Variants in PLCH1 observed in about 807,000 individuals in gnomAD.
PLCH1 encodes the protein phospholipase C eta 1.
Under a neutral mutation model 126.7 loss-of-function variants are expected in PLCH1, and 60 were observed. The ratio of observed to expected loss-of-function variants is 0.47; its 90% confidence interval spans 0.38 to 0.59. The LOEUF (loss-of-function observed/expected upper bound fraction) is 0.59, where lower values mean the gene tolerates loss of function less well. Ranked by LOEUF, PLCH1 falls within the 20% of genes least tolerant of loss-of-function variation. The probability of loss-of-function intolerance (pLI) is 0.00; values close to 1 mark genes in which losing one functional copy is unlikely to be tolerated. For missense variants in PLCH1, 1,723 were observed against 2,040.0 expected (o/e 0.84, Z 2.99); for synonymous variants, 719 against 734.9 (o/e 0.98, Z 0.35).
intron 2 of PLCH1, among the ~76,000 whole-genome samples, chr3:155,674,050 A>G (rs1037807458): frequency 1.3e-5 from 2 of 152,186 alleles, no homozygotes; most frequent in African/African-American, 4.8e-5. Flanking sequence ...AGAAAGTAGT[A>G]TTATCTCTTC....
At chr3:155,513,125 C>T (rs1382555130) in intron 12 of PLCH1, among the ~76,000 whole-genome samples, 2 of 152,172 alleles carry the variant, frequency 1.3e-5, no homozygotes, top group African/African-American at 4.8e-5. Context: ...ACGTGCTGCC[C>T]AGAGCCATAC....
chr3:155,598,639 GAA>G (rs534882949), intron 2 of PLCH1, among the ~76,000 whole-genome samples: 117 of 152,272 alleles, frequency 7.7e-4, no homozygotes, highest in African/African-American at 2.7e-3. Flanking sequence ...CTGTGGTGAA[GAA>G]TACAGTCTGT....
chr3:155,541,336 A>C (rs535626405), intron 10 of PLCH1, among the ~76,000 whole-genome samples: 27 of 152,292 alleles, frequency 1.8e-4, no homozygotes, highest in African/African-American at 6.3e-4. Flanking sequence ...ACCACTAAAA[A>C]ACTTATCCAT....
chr3:155,711,849 G>A (rs900201135), intron 1 of PLCH1, among the ~76,000 whole-genome samples: 4 of 152,156 alleles, frequency 2.6e-5, no homozygotes, highest in African/African-American at 9.7e-5. Context: ...AGTTTTACTT[G>A]AAGTTGCAAG....
intron 4 of PLCH1, among the ~76,000 whole-genome samples, chr3:155,590,324 A>G (rs1210021973): frequency 1.3e-5 from 2 of 152,198 alleles, no homozygotes; most frequent in Non-Finnish European, 2.9e-5. Flanking sequence ...CACGCCTGTA[A>G]TCCCAGCACT....
intron 21 of PLCH1, among the ~76,000 whole-genome samples, chr3:155,468,417 G>A (rs936007862): frequency 2.6e-5 from 4 of 152,104 alleles, no homozygotes; most frequent in Non-Finnish European, 2.9e-5. Context: ...GACATTGAAT[G>A]TACTTGGGCT....
At chr3:155,689,713 G>A (rs1209733938) in intron 2 of PLCH1, among the ~76,000 whole-genome samples, 1 of 151,908 alleles carries the variant, frequency 6.6e-6, no homozygotes, top group Admixed American at 6.6e-5. Context: ...CAGGCTATTT[G>A]AAAACACATA....
chr3:155,470,158 A>C (rs1374895558), intron 21 of PLCH1, among the ~76,000 whole-genome samples: 1 of 151,514 alleles, frequency 6.6e-6, no homozygotes, highest in Admixed American at 6.6e-5. Context: ...AACCAAAGGC[A>C]AAGAAGTTGA....
chr3:155,736,788 T>TC (rs1439083689), intron 1 of PLCH1, among the ~76,000 whole-genome samples: 4 of 152,200 alleles, frequency 2.6e-5, no homozygotes, highest in African/African-American at 9.6e-5. Context: ...CTTCCCAGTC[T>TC]CCTATTTCTA....
chr3:155,671,218 T>C (rs1438328897), intron 2 of PLCH1, among the ~76,000 whole-genome samples: 2 of 152,186 alleles, frequency 1.3e-5, no homozygotes, highest in Non-Finnish European at 2.9e-5. Context: ...TCAGATTCCT[T>C]GCCTCTAAAA....
chr3:155,649,839 G>A (rs141202837), intron 2 of PLCH1, among the ~76,000 whole-genome samples: 2 of 152,088 alleles, frequency 1.3e-5, no homozygotes, highest in African/African-American at 4.8e-5. Context: ...TTAGCCAGGC[G>A]CGGTGATGGG....
intron 2 of PLCH1, among the ~76,000 whole-genome samples, chr3:155,643,550 T>G (rs192607694): frequency 7.9e-5 from 12 of 152,346 alleles, no homozygotes; most frequent in Admixed American, 7.8e-4. Flanking sequence ...TAAAATTGTC[T>G]GTGTGTCTGC....
chr3:155,694,105 C>CT (rs1202596115), intron 2 of PLCH1, among the ~76,000 whole-genome samples: 1 of 152,014 alleles, frequency 6.6e-6, no homozygotes, highest in East Asian at 1.9e-4. Flanking sequence ...ATAAAATAGA[C>CT]TATCATCACA....
intron 1 of PLCH1, among the ~76,000 whole-genome samples, chr3:155,716,825 A>C (rs1365005638): frequency 6.6e-6 from 1 of 152,194 alleles, no homozygotes; most frequent in Non-Finnish European, 1.5e-5. Flanking sequence ...CTTATATTGC[A>C]AAATACAATA....
chr3:155,637,600 G>T (rs1738891139), intron 2 of PLCH1, among the ~76,000 whole-genome samples: 1 of 152,148 alleles, frequency 6.6e-6, no homozygotes. Context: ...AATGCGTTTT[G>T]TGAGTAGTCC....
chr3:155,579,597 T>C (rs1479083686), intron 6 of PLCH1, among the ~76,000 whole-genome samples: 2 of 152,172 alleles, frequency 1.3e-5, no homozygotes, highest in Non-Finnish European at 2.9e-5. Flanking sequence ...AAGAGGTGAT[T>C]AGCATTACTG....
At chr3:155,565,994 G>A (rs541575314) in intron 7 of PLCH1, among the ~76,000 whole-genome samples, 16 of 150,678 alleles carry the variant, frequency 1.1e-4, no homozygotes, top group African/African-American at 2.7e-4. Context: ...CACTGTGCCC[G>A]GCCAGGTATT....
chr3:155,481,709 GA>G lies in PLCH1; in HGVS notation c.4316del (p.Phe1439SerfsTer38). ...YQGAGFVHNH[F>X]SDSDAKMFQT... is the part of the protein sequence containing the mutation. ...GGAACATTTTTGCATCTGAATCTGA[GA>G]AATGATTATGCACAAAGCCAGCACC... On this transcript the variant is annotated frameshift_variant, in exon 23 of 23. Coordinates refer to ENST00000460012, the MANE Select transcript of PLCH1 (RefSeq NM_014996.4). LOFTEE classifies it low-confidence loss of function (END_TRUNC). The surrounding 1 kb of genome is among the most constrained non-coding windows in gnomAD (Gnocchi z 4.2). The G allele has an allele frequency of 1.2e-6, 2 of 1,614,200 alleles. No individual in the cohort carries two copies. Among genetic ancestry groups the G allele is most frequent in the Non-Finnish European group, 1.7e-6 (2 of 1,180,052 alleles).
chr3:155,497,281 G>T, intron 15 of PLCH1, 39 bp downstream of exon 15: 1 of 1,301,994 alleles, frequency 7.7e-7, no homozygotes, highest in Non-Finnish European at 1.1e-6. Context: ...GGTCAAGAAT[G>T]TTTATTCAGA....
Sources: allele counts gnomAD v4.1 joint callset (sites outside exome capture counted in the v4.1 genomes callset), GRCh38; gene constraint gnomAD v4.1.1; non-coding constraint Gnocchi (gnomAD v3.1); transcripts MANE v1.5; gene names NCBI Gene and HGNC (gene_info 2026-07-23, HGNC 2026-07-21).